The following DLG1 variants were observed in gnomAD, a reference collection of about 807,000 sequenced individuals.
DLG1 encodes disks large homolog 1.
Under a neutral mutation model 123.4 loss-of-function variants are expected in DLG1, and 42 were observed. The ratio of observed to expected loss-of-function variants is 0.34; its 90% confidence interval spans 0.27 to 0.44. The LOEUF (loss-of-function observed/expected upper bound fraction) is 0.44. Among genes scored for constraint, DLG1 ranks in the 20% least tolerant of loss-of-function variants. The probability of loss-of-function intolerance (pLI) is 1.00; values close to 1 mark genes in which losing one functional copy is unlikely to be tolerated. For synonymous variants in DLG1, 317 were observed against 356.2 expected, an observed-to-expected ratio of 0.89 and a Z score of 1.24; for missense variants, 942 against 1,082.6, an observed-to-expected ratio of 0.87 and a Z score of 1.82.
At chr3:197,053,182 TAAAGG>T (rs1206296138) in intron 23 of DLG1, among the ~76,000 whole-genome samples, 1 of 152,184 alleles carries the variant, frequency 6.6e-6, no homozygotes, top group East Asian at 1.9e-4. Context: ...GTTCCCAACT[TAAAGG>T]AAAGCCTTCA....
At chr3:197,279,775 C>T (rs1381475127) in intron 4 of DLG1, among the ~76,000 whole-genome samples, 2 of 152,104 alleles carry the variant, frequency 1.3e-5, no homozygotes, top group Non-Finnish European at 1.5e-5. Context: ...ACTGATCTTC[C>T]TGAATGAAAT....
Position 197,171,709 on chromosome 3 carries a change from T to C in DLG1, c.484-21913A>G, listed in dbSNP as rs147153366. On this transcript the variant is annotated intron_variant, in intron 5 of 24. Coordinates refer to ENST00000667157, the MANE Select transcript of DLG1 (RefSeq NM_001366207.1). ...TATTCTATCAGCATTCAGATGACAA[T>C]CTTGTCCTAGTAAAGGATGAGCCAA... Among the ~76,000 whole-genome samples the C allele has an allele frequency of 2.7e-3, 414 of 152,228 alleles. 2 individuals carry two copies. The highest frequency in any genetic ancestry group is 9.8e-3 in the African/African-American group (407 of 41,546).
At chr3:197,112,474 T>A (rs956388883) in intron 13 of DLG1, among the ~76,000 whole-genome samples, 14 of 152,240 alleles carry the variant, frequency 9.2e-5, no homozygotes, top group African/African-American at 1.4e-4. Flanking sequence ...ATTGGGTTAT[T>A]CATCTTTTTA....
At chr3:197,142,144 A>G (rs1246278038) in intron 7 of DLG1, among the ~76,000 whole-genome samples, 1 of 152,240 alleles carries the variant, frequency 6.6e-6, no homozygotes, top group Non-Finnish European at 1.5e-5. Context: ...AGAAAAGAAA[A>G]TTGATATAAT....
chr3:197,216,108 T>C (rs1733988161), intron 4 of DLG1, among the ~76,000 whole-genome samples: 2 of 152,170 alleles, frequency 1.3e-5, no homozygotes, highest in South Asian at 2.1e-4. Context: ...AGATTGCTTT[T>C]CCAATATTGT....
At chr3:197,246,634 G>A (rs1193882109) in intron 4 of DLG1, among the ~76,000 whole-genome samples, 1 of 152,118 alleles carries the variant, frequency 6.6e-6, no homozygotes, top group Non-Finnish European at 1.5e-5. Context: ...ACAGGTTGTT[G>A]GTGACCCCCA....
At chr3:197,198,070 G>C (rs540303468) in intron 4 of DLG1, among the ~76,000 whole-genome samples, 2 of 151,978 alleles carry the variant, frequency 1.3e-5, no homozygotes, top group African/African-American at 2.4e-5. Flanking sequence ...TCGTATCTTG[G>C]ATATGACATT....
intron 4 of DLG1, among the ~76,000 whole-genome samples, chr3:197,234,575 T>G (rs1744962809): frequency 6.6e-6 from 1 of 152,126 alleles, no homozygotes; most frequent in African/African-American, 2.4e-5. Flanking sequence ...GAACATGTAA[T>G]AACATGAAAA....
chr3:197,178,640 G>A (rs1438077530), intron 5 of DLG1, among the ~76,000 whole-genome samples: 2 of 152,112 alleles, frequency 1.3e-5, no homozygotes, highest in African/African-American at 4.8e-5. Context: ...TGAGACATTT[G>A]AACATTTAGC....
At chr3:197,115,700 C>T (rs1326164375) in intron 13 of DLG1, among the ~76,000 whole-genome samples, 1 of 152,128 alleles carries the variant, frequency 6.6e-6, no homozygotes, top group African/African-American at 2.4e-5. Flanking sequence ...AAATAGAGAA[C>T]ACATAATTTC....
intron 17 of DLG1, among the ~76,000 whole-genome samples, chr3:197,079,783 T>C (rs975215938): frequency 3.3e-5 from 5 of 152,154 alleles, no homozygotes; most frequent in Non-Finnish European, 7.4e-5. Context: ...AGCTACAATT[T>C]TAAAGGAATT....
At chr3:197,218,466 A>C (rs1162244669) in intron 4 of DLG1, among the ~76,000 whole-genome samples, 1 of 152,204 alleles carries the variant, frequency 6.6e-6, no homozygotes, top group Non-Finnish European at 1.5e-5. Flanking sequence ...TTTCTTAAAA[A>C]ACACAGCTAT....
At chr3:197,161,558 T>C in intron 5 of DLG1, 1 of 844,994 alleles carries the variant, frequency 1.2e-6, no homozygotes, top group Admixed American at 4.0e-5. Flanking sequence ...AAAAAACAGC[T>C]CAAACAGTTT....
intron 4 of DLG1, among the ~76,000 whole-genome samples, chr3:197,247,120 C>G (rs564527648): frequency 2.0e-5 from 3 of 152,260 alleles, no homozygotes; most frequent in African/African-American, 7.2e-5. Context: ...TTAACAAAGC[C>G]GATGCTTCCT....
intron 4 of DLG1, among the ~76,000 whole-genome samples, chr3:197,214,401 C>T (rs1178242560): frequency 1.3e-5 from 2 of 151,870 alleles, no homozygotes; most frequent in Non-Finnish European, 2.9e-5. Flanking sequence ...GGTGAAACCC[C>T]GTCTCTACTA....
At chr3:197,299,023 G>A (rs1469181136), upstream of DLG1, 1 of 153,050 alleles carries the variant, frequency 6.5e-6, no homozygotes, top group Non-Finnish European at 1.5e-5. Flanking sequence ...CCCAAACTCT[G>A]ACGGTCCCTT....
intron 7 of DLG1, among the ~76,000 whole-genome samples, chr3:197,142,441 T>C (rs933277032): frequency 3.3e-5 from 5 of 152,168 alleles, no homozygotes; most frequent in African/African-American, 7.2e-5. Context: ...ATGTTAACAA[T>C]AGAGGAGGCT....
At chr3:197,155,262 T>C (rs912946110) in intron 5 of DLG1, among the ~76,000 whole-genome samples, 2 of 152,228 alleles carry the variant, frequency 1.3e-5, no homozygotes, top group South Asian at 2.1e-4. Context: ...CATATGGCAG[T>C]GGGTGGAAAT....
chr3:197,143,341 C>T (rs545150959), intron 6 of DLG1, among the ~76,000 whole-genome samples: 3 of 152,050 alleles, frequency 2.0e-5, no homozygotes, highest in Non-Finnish European at 4.4e-5. Flanking sequence ...CTACAAGCTC[C>T]GCCTCCCGGG....
Sources: gnomAD v4.1 joint callset for allele counts (sites outside exome capture counted in the v4.1 genomes callset) on GRCh38, gnomAD v4.1.1 for gene constraint, MANE v1.5 for transcripts, NCBI Gene and HGNC (gene_info 2026-07-23, HGNC 2026-07-21) for gene names.